The following PPP1R3A variants were observed in gnomAD, a reference collection of about 807,000 sequenced individuals.
PPP1R3A encodes protein phosphatase 1 regulatory subunit 3A.
In PPP1R3A, 29 loss-of-function variants were observed where a neutral mutation model predicts 41.7. The observed-to-expected ratio is 0.70, with a 90% confidence interval of 0.52 to 0.95. The LOEUF is 0.95. Ranked by LOEUF, PPP1R3A falls within the 40% of genes least tolerant of loss-of-function variation. The probability of loss-of-function intolerance (pLI) is 0.00; values close to 1 mark genes in which losing one functional copy is unlikely to be tolerated. For missense variants in PPP1R3A, 1,352 were observed against 1,292.4 expected (o/e 1.05, Z -0.71); for synonymous variants, 485 against 453.4 (o/e 1.07, Z -0.89).
intron 1 of PPP1R3A, among the ~76,000 whole-genome samples, chr7:113,916,924 C>T (rs1797351826): frequency 6.6e-6 from 1 of 151,734 alleles, no homozygotes; most frequent in Non-Finnish European, 1.5e-5. Flanking sequence ...GCCTAATTCA[C>T]AAAGTTGATT....
rs1257794067 is a variant in PPP1R3A, at chr7:113,882,233, T to C, written c.841+29A>G. ...GTAGACTTTCACAAAAGAGACAAATTTGGTTTTAAAATTAATGAAGAATAT... is the reference window on the plus strand; with the variant it reads ...GTAGACTTTCACAAAAGAGACAAATCTGGTTTTAAAATTAATGAAGAATAT... On this transcript the variant is annotated intron_variant, in intron 2 of 3. Transcript: ENST00000284601. The C allele has an allele frequency of 4.5e-6, 7 of 1,572,658 alleles. No homozygotes were observed. The Admixed American group carries it at 1.2e-4, about 26-fold the overall frequency.
At position 113,878,820 on chromosome 7, in the gene PPP1R3A, C is replaced by T. The variant is rs1292411104; in HGVS notation, c.2272G>A (p.Glu758Lys). The T allele has an allele frequency of 6.2e-7, 1 of 1,613,540 alleles. No homozygotes were observed. Among genetic ancestry groups the T allele is most frequent in the Non-Finnish European group, 8.5e-7 (1 of 1,179,762 alleles). ...EKAIIAKLPQ[E>K]TARSDRPIEV... is the part of the protein sequence containing the mutation. ...ATGGGCCTGTCACTTCGTGCTGTCT[C>T]TTGAGGTAGCTTAGCAATTATTGCT... Residue 758 changes from glutamate to lysine, a missense_variant, in exon 4 of 4, where the codon GAG (glutamate) becomes AAG (lysine). By Grantham distance (56) the Glu-to-Lys change is moderately conservative. Transcript: ENST00000284601.
Position 113,878,417 on chromosome 7 carries a change from G to C in PPP1R3A, c.2675C>G (p.Thr892Arg). The change falls in exon 4 of 4, where the codon ACA becomes AGA. Residue 892 changes from threonine to arginine, a missense_variant. Physicochemically the swap from Thr to Arg is moderately conservative, Grantham distance 71 (BLOSUM62 -1). Transcript: ENST00000284601. Reference protein sequence around the residue: ...LRQVQELSKKTDSDAIVHSAF... With the variant: ...LRQVQELSKKRDSDAIVHSAF... ...AGAATGCACAATGGCATCCGAGTCT[G>C]TTTTCTTTGATAATTCTTGAACCTG... is the stretch of plus-strand genomic sequence containing the variant. 6.2e-7 allele frequency: 1 copy of C among 1,611,702 alleles called. No individual in the cohort carries two copies. The highest frequency in any genetic ancestry group is 8.5e-7 in the Non-Finnish European group (1 of 1,179,650).
Position 113,918,527 on chromosome 7 carries a change from A to G in PPP1R3A, c.470T>C (p.Val157Ala). Residue 157 changes from valine to alanine, a missense_variant, in exon 1 of 4, where the codon GTA becomes GCA. Physicochemically the swap from Val to Ala is moderately conservative, Grantham distance 64 (BLOSUM62 0). Coordinates refer to ENST00000284601, the MANE Select transcript of PPP1R3A (RefSeq NM_002711.4). ...GTCATCTAAAGACATTCTTACATATACTAACTTCTCAAAAGAAACATTCAA... is the reference window on the plus strand; with the variant it reads ...GTCATCTAAAGACATTCTTACATATGCTAACTTCTCAAAAGAAACATTCAA... ...RVLNVSFEKL[V>A]YVRMSLDDWQ... 1 of 1,612,894 alleles carries G rather than the reference A, an allele frequency of 6.2e-7. No individual in the cohort carries two copies.
In PPP1R3A at chr7:113,877,749, G is replaced by T. The variant is rs763076463; in HGVS notation, c.3343C>A (p.Gln1115Lys). Reference protein sequence around the residue: ...LSWLSWEEGRQKESVKKK With the variant: ...LSWLSWEEGRKKESVKKK ...TACTTCTTTTTGACAGACTCTTTTT[G>T]TCTACCCTCTTCCCAGGATAGCCAG... The change falls in exon 4 of 4, where the codon CAA becomes AAA. Residue 1115 changes from glutamine (Q) to lysine (K), a missense_variant. Transcript: ENST00000284601. The T allele has an allele frequency of 4.5e-6, 7 of 1,568,490 alleles. No individual in the cohort carries two copies. In the African/African-American group the frequency reaches 5.5e-5, roughly 12 times the overall value.
At chr7:113,914,711 C>T (rs1797310821) in intron 1 of PPP1R3A, among the ~76,000 whole-genome samples, 1 of 152,074 alleles carries the variant, frequency 6.6e-6, no homozygotes, top group Admixed American at 6.6e-5. Context: ...AGACACTGTG[C>T]TAAAAGTTTA....
At chr7:113,902,824 G>A (rs1223899687) in intron 1 of PPP1R3A, among the ~76,000 whole-genome samples, 1 of 151,802 alleles carries the variant, frequency 6.6e-6, no homozygotes, top group Non-Finnish European at 1.5e-5. Context: ...CTCTCCATTA[G>A]GATGTAAGCT....
At chr7:113,882,004 A>T in intron 3 of PPP1R3A, 35 bp downstream of exon 3, 1 of 1,609,906 alleles carries the variant, frequency 6.2e-7, no homozygotes, top group Non-Finnish European at 8.5e-7. Flanking sequence ...AAATGGATTC[A>T]TCTTCTCTAA....
At chr7:113,898,563 A>T (rs1797012768) in intron 1 of PPP1R3A, among the ~76,000 whole-genome samples, 21 of 151,756 alleles carry the variant, frequency 1.4e-4, no homozygotes, top group Admixed American at 1.4e-3. Flanking sequence ...CTTTGACCAA[A>T]CTCTAGCCAG....
intron 1 of PPP1R3A, among the ~76,000 whole-genome samples, chr7:113,890,208 C>A (rs1010317425): frequency 6.6e-6 from 1 of 152,112 alleles, no homozygotes; most frequent in African/African-American, 2.4e-5. Flanking sequence ...AAATTCAAAC[C>A]CAAACAGTGC....
chr7:113,909,949 C>T (rs910599052), intron 1 of PPP1R3A, among the ~76,000 whole-genome samples: 5 of 151,990 alleles, frequency 3.3e-5, no homozygotes, highest in Admixed American at 6.6e-5. Context: ...CCTGAGACTA[C>T]GTAACTTATA....
At chr7:113,898,488 A>G (rs1797011506) in intron 1 of PPP1R3A, among the ~76,000 whole-genome samples, 1 of 151,756 alleles carries the variant, frequency 6.6e-6, no homozygotes, top group Non-Finnish European at 1.5e-5. Flanking sequence ...TAAGTGTCCA[A>G]CAAAAACAAC....
At chr7:113,905,834 G>T (rs900150939) in intron 1 of PPP1R3A, among the ~76,000 whole-genome samples, 1 of 151,732 alleles carries the variant, frequency 6.6e-6, no homozygotes, top group South Asian at 2.1e-4. Flanking sequence ...CTGGCAAGAA[G>T]AAAAAGGTAA....
At chr7:113,909,481 G>A (rs1490567579) in intron 1 of PPP1R3A, among the ~76,000 whole-genome samples, 1 of 150,618 alleles carries the variant, frequency 6.6e-6, no homozygotes, top group South Asian at 2.1e-4. Flanking sequence ...AGGGCTTGGA[G>A]AGTGCCTTAG....
chr7:113,900,574 A>G (rs1329837971), intron 1 of PPP1R3A, among the ~76,000 whole-genome samples: 2 of 149,152 alleles, frequency 1.3e-5, no homozygotes, highest in Non-Finnish European at 3.0e-5. Flanking sequence ...ATATATGTCA[A>G]TATACATAAA....
intron 1 of PPP1R3A, among the ~76,000 whole-genome samples, chr7:113,891,243 C>T (rs555060948): frequency 1.3e-5 from 2 of 152,012 alleles, no homozygotes; most frequent in Admixed American, 1.3e-4. Context: ...CTTGCCTACT[C>T]CTAACACAGA....
chr7:113,902,149 G>C (rs1367743199), intron 1 of PPP1R3A, among the ~76,000 whole-genome samples: 1 of 151,620 alleles, frequency 6.6e-6, no homozygotes, highest in Non-Finnish European at 1.5e-5. Context: ...TGTTTTTTAA[G>C]AGATGGAGTC....
intron 1 of PPP1R3A, among the ~76,000 whole-genome samples, chr7:113,904,902 C>G (rs1406291648): frequency 6.6e-6 from 1 of 151,500 alleles, no homozygotes; most frequent in Non-Finnish European, 1.5e-5. Context: ...TATATTGAAG[C>G]TAATAGGAAA....
At position 113,918,711 on chromosome 7, in the gene PPP1R3A, T is replaced by A. The variant is rs1337495896; in HGVS notation, c.286A>T (p.Thr96Ser). The A allele has an allele frequency of 6.2e-7, 1 of 1,613,818 alleles. No individual in the cohort carries two copies. The highest frequency in any genetic ancestry group is 8.5e-7 in the Non-Finnish European group (1 of 1,179,868). Reference sequence around the variant, plus strand: ...TATTCTTCTGTGTGGAAAATGTCCGTCCCTAAGTCAAAAGTGGTTGAAGCA... The same window carrying A: ...TATTCTTCTGTGTGGAAAATGTCCGACCCTAAGTCAAAAGTGGTTGAAGCA... ...PSASTTFDLGTDIFHTEEYVL... is the reference protein window; with the variant it reads ...PSASTTFDLGSDIFHTEEYVL... The change falls in exon 1 of 4, where the codon ACG becomes TCG. Residue 96 changes from threonine to serine, a missense_variant. Coordinates refer to ENST00000284601, the MANE Select transcript of PPP1R3A (RefSeq NM_002711.4).
Sources: allele counts gnomAD v4.1 joint callset (sites outside exome capture counted in the v4.1 genomes callset), GRCh38; gene constraint gnomAD v4.1.1; transcripts MANE v1.5; gene names NCBI Gene and HGNC (gene_info 2026-07-23, HGNC 2026-07-21).